Variants in ST7L observed in about 807,000 individuals in gnomAD.
ST7L encodes suppression of tumorigenicity 7 like.
Under a neutral mutation model 72.5 loss-of-function variants are expected in ST7L, and 57 were observed. The observed-to-expected ratio is 0.79, with a 90% CI of 0.64 to 0.98. The LOEUF is 0.98. ST7L is among the 50% of genes least tolerant of loss of function. The pLI, the probability that ST7L is intolerant of heterozygous loss-of-function variation, is 0.00. For synonymous variants in ST7L, 221 were observed against 240.9 expected, an observed-to-expected ratio of 0.92 and a Z score of 0.77; for missense variants, 576 against 672.2, an observed-to-expected ratio of 0.86 and a Z score of 1.58.
At chr1:112,566,051 C>T (rs761487851) in intron 11 of ST7L, among the ~76,000 whole-genome samples, 10 of 151,758 alleles carry the variant, frequency 6.6e-5, no homozygotes, top group Non-Finnish European at 1.2e-4. Context: ...TGACAACCAC[C>T]ATGATAATCA....
chr1:112,574,590 CA>C (rs1196773811), intron 11 of ST7L, among the ~76,000 whole-genome samples: 4 of 150,296 alleles, frequency 2.7e-5, no homozygotes, highest in African/African-American at 9.8e-5. Flanking sequence ...ACCCGGGAGG[CA>C]GAGCTTGCAG....
intron 11 of ST7L, among the ~76,000 whole-genome samples, chr1:112,561,681 T>A (rs1024684131): frequency 6.6e-6 from 1 of 151,992 alleles, no homozygotes; most frequent in Non-Finnish European, 1.5e-5. Context: ...GGTTTCACCA[T>A]GTTGGTCAGG....
intron 13 of ST7L, among the ~76,000 whole-genome samples, chr1:112,543,319 T>G (rs538390123): frequency 2.6e-5 from 4 of 151,634 alleles, no homozygotes; most frequent in African/African-American, 9.7e-5. Flanking sequence ...GGAGGCTAAG[T>G]CGGGTGGATC....
chr1:112,571,415 A>G, intron 11 of ST7L: 1 of 376,772 alleles, frequency 2.7e-6, no homozygotes, highest in Non-Finnish European at 5.1e-6. Flanking sequence ...CTATCTATCT[A>G]TATATCTATA....
At chr1:112,617,250 T>C (rs900850964) in intron 1 of ST7L, 9 of 165,350 alleles carry the variant, frequency 5.4e-5, no homozygotes, top group African/African-American at 2.2e-4. Flanking sequence ...AACCACTGTC[T>C]CAAATTAGAG....
rs1653059728 is a variant in ST7L, at chr1:112,524,126, G to A, written c.*1887C>T. The A allele has an allele frequency of 6.6e-6, 1 of 152,510 alleles. No individual in the cohort carries two copies. The highest frequency in any genetic ancestry group is 1.5e-5 in the Non-Finnish European group (1 of 68,020). The allele number at this position is 152,510 out of a possible 1,614,324, so 9.4% of individuals were successfully genotyped here. A position where few individuals can be genotyped will look rare whatever the true frequency, so the allele number is the denominator to read the frequency against. ...TCATTTCTATTCCTCCTGTTGCAGG[G>A]AGTAATTTCTTCTCCTTTGTCTCAC... On this transcript the variant is annotated 3_prime_UTR_variant, in exon 15 of 15. Coordinates refer to ENST00000358039, the MANE Select transcript of ST7L (RefSeq NM_017744.5).
intron 5 of ST7L, among the ~76,000 whole-genome samples, chr1:112,593,292 T>G (rs1198315891): frequency 6.6e-6 from 1 of 152,220 alleles, no homozygotes; most frequent in African/African-American, 2.4e-5. Flanking sequence ...TATATATTTT[T>G]TTCTAAAATA....
chr1:112,573,672 A>G (rs1184260487), intron 11 of ST7L, among the ~76,000 whole-genome samples: 2 of 152,072 alleles, frequency 1.3e-5, no homozygotes, highest in South Asian at 2.1e-4. Context: ...GGCAGAAATA[A>G]TTCTAATTTT....
chr1:112,597,871 A>G, intron 5 of ST7L, 100 bp downstream of exon 5: 1 of 755,842 alleles, frequency 1.3e-6, no homozygotes, highest in Non-Finnish European at 1.9e-6. Flanking sequence ...TCCAAGCCAA[A>G]TAACTAAATA....
At chr1:112,583,826 T>A in intron 7 of ST7L, 146 bp downstream of exon 7, 1 of 865,186 alleles carries the variant, frequency 1.2e-6, no homozygotes. Flanking sequence ...TCTTGCTGGC[T>A]TGTAGGTATT....
At chr1:112,606,562 C>A (rs1668275450) in intron 3 of ST7L, among the ~76,000 whole-genome samples, 1 of 152,348 alleles carries the variant, frequency 6.6e-6, no homozygotes, top group South Asian at 2.1e-4. Flanking sequence ...CAACTCATTA[C>A]CCAGCTCCAA....
chr1:112,593,014 T>C (rs1665930838), intron 5 of ST7L, among the ~76,000 whole-genome samples: 1 of 152,180 alleles, frequency 6.6e-6, no homozygotes, highest in African/African-American at 2.4e-5. Context: ...ATTTATACTT[T>C]TTCAGGCAGT....
chr1:112,619,577 C>T, upstream of ST7L: 1 of 531,300 alleles, frequency 1.9e-6, no homozygotes, highest in Non-Finnish European at 3.3e-6. Flanking sequence ...AAACACGCTG[C>T]CAGCGCCCAT....
intron 11 of ST7L, among the ~76,000 whole-genome samples, chr1:112,560,222 G>A (rs1235903296): frequency 1.3e-5 from 2 of 151,594 alleles, no homozygotes; most frequent in Non-Finnish European, 2.9e-5. Context: ...GTGAAACCCC[G>A]TCTCTACTAA....
intron 8 of ST7L, 87 bp downstream of exon 8, chr1:112,582,288 G>A (rs1362768256): frequency 9.8e-7 from 1 of 1,024,740 alleles, no homozygotes; most frequent in East Asian, 2.5e-5. Flanking sequence ...AAAATACAAT[G>A]ATTCTGCATT....
intron 14 of ST7L, among the ~76,000 whole-genome samples, chr1:112,530,401 GGAGA>G (rs1654184753): frequency 6.6e-6 from 1 of 152,022 alleles, no homozygotes; most frequent in Non-Finnish European, 1.5e-5. Context: ...ATAAACTCAA[GGAGA>G]GGTTCTGTGC....
the ST7L span, chr1:112,518,184 G>T: frequency 6.6e-6 from 1 of 152,250 alleles, no homozygotes; most frequent in Admixed American, 6.5e-5. Context: ...GGAGGTGCTG[G>T]AAGTTGATAT....
downstream of ST7L, chr1:112,520,610 T>A (rs1652821242): frequency 2.5e-6 from 3 of 1,203,122 alleles, no homozygotes; most frequent in Non-Finnish European, 2.4e-6. Flanking sequence ...CCTGGGCTGC[T>A]ACCGCTTCTA....
intron 11 of ST7L, among the ~76,000 whole-genome samples, chr1:112,574,144 T>C (rs1662655449): frequency 6.7e-6 from 1 of 149,702 alleles, no homozygotes; most frequent in African/African-American, 2.4e-5. Flanking sequence ...CTTGAACTCT[T>C]GAGCTTAGGC....
Sources: allele counts gnomAD v4.1 joint callset (sites outside exome capture counted in the v4.1 genomes callset), GRCh38; gene constraint gnomAD v4.1.1; transcripts MANE v1.5; gene names NCBI Gene and HGNC (gene_info 2026-07-23, HGNC 2026-07-21).